IL12RB2: variants seen among roughly 807,000 people sequenced by gnomAD.
IL12RB2 encodes the protein interleukin-12 receptor subunit beta-2.
IL12RB2 carries 82 observed loss-of-function variants against 89.4 expected under a neutral mutation model. That is an observed-to-expected ratio of 0.92 (90% CI 0.77 to 1.10). IL12RB2 has a LOEUF of 1.10. Among genes scored for constraint, IL12RB2 ranks in the 50% least tolerant of loss-of-function variants. The probability of loss-of-function intolerance (pLI) is 0.00; values close to 1 mark genes in which losing one functional copy is unlikely to be tolerated. For missense variants in IL12RB2, 963 were observed against 1,031.9 expected (o/e 0.93, Z 0.92); for synonymous variants, 368 against 370.1 (o/e 0.99, Z 0.07).
intron 10 of IL12RB2, among the ~76,000 whole-genome samples, chr1:67,362,246 G>A (rs1662140110): frequency 6.7e-6 from 1 of 150,000 alleles, no homozygotes; most frequent in Admixed American, 6.7e-5. Context: ...ACTCCAGCCT[G>A]GGTAACAAAG....
rs372687844 is a variant in IL12RB2 at position 67,350,839 on chromosome 1, G to C, written c.1039-31G>C. 3.7e-5 allele frequency: 60 copies of C among 1,612,666 alleles called. 1 individual carries two copies. In the East Asian group the frequency reaches 5.1e-4, roughly 14 times the overall value. ...AGAGCATCAGTGATCTTGTCTGGGA[G>C]TAAATAGTGAATAAATGTGTCTTGT... On this transcript the variant is annotated intron_variant, in intron 9 of 16. Coordinates refer to ENST00000674203, the MANE Select transcript of IL12RB2 (RefSeq NM_001374259.2).
At position 67,342,761 on chromosome 1, in the gene IL12RB2, C is replaced by CTTTTT. The variant is rs71062413; in HGVS notation, c.1038+4070_1038+4074dup. Among the ~76,000 whole-genome samples, 87 of 137,156 alleles carry CTTTTT rather than the reference C, an allele frequency of 6.3e-4. 35 individuals are homozygous for CTTTTT. Among genetic ancestry groups the CTTTTT allele is most frequent in the East Asian group, 4.4e-4 (2 of 4,572 alleles). The allele number at this position is 137,156 out of a possible 152,430, so 90.0% of individuals were successfully genotyped here. A position where few individuals can be genotyped will look rare whatever the true frequency, so the allele number is the denominator to read the frequency against. ...CTTGTACTACTTTTTAAAATCACAC[C>CTTTTT]TTTTTTTTTTTTTTTTGAGACAGGG... On this transcript the variant is annotated intron_variant, in intron 9 of 16. Transcript: ENST00000674203.
intron 8 of IL12RB2, among the ~76,000 whole-genome samples, chr1:67,333,800 A>G (rs1245811552): frequency 6.6e-6 from 1 of 152,212 alleles, no homozygotes; most frequent in East Asian, 1.9e-4. Context: ...ATGCCTGAGA[A>G]CATGCACAGG....
intron 10 of IL12RB2, among the ~76,000 whole-genome samples, chr1:67,365,300 T>A (rs958887754): frequency 5.3e-5 from 8 of 151,154 alleles, no homozygotes; most frequent in African/African-American, 1.9e-4. Flanking sequence ...AGAGAGGAAA[T>A]CAATGAAATT....
intron 16 of IL12RB2, among the ~76,000 whole-genome samples, chr1:67,391,789 G>A (rs1055273063): frequency 6.6e-6 from 1 of 151,764 alleles, no homozygotes; most frequent in African/African-American, 2.4e-5. Flanking sequence ...GGCGCCCGCC[G>A]CCATGCCCGG....
rs1414946095 is a variant in IL12RB2, at chr1:67,307,882, G to A, written c.-210G>A. 2.0e-5 allele frequency: 3 copies of A among 152,044 alleles called. No individual in the cohort carries two copies. The highest frequency in any genetic ancestry group is 2.9e-5 in the Non-Finnish European group (2 of 68,016). 9.4% of individuals were successfully genotyped at this position (152,044 alleles called of 1,614,324 possible). A position where few individuals can be genotyped will look rare whatever the true frequency, so the allele number is the denominator to read the frequency against. ...ACGCCCGAGCGCCGGCAGAGAGCGC[G>A]GAGAGCGCGACACGTGCGGCCCAGA... On this transcript the variant is annotated 5_prime_UTR_variant, in exon 1 of 17. Transcript: ENST00000674203.
chr1:67,362,720 G>A (rs1206017909), intron 10 of IL12RB2, among the ~76,000 whole-genome samples: 2 of 152,008 alleles, frequency 1.3e-5, no homozygotes, highest in Admixed American at 6.5e-5. Context: ...AAAAGTGAAG[G>A]AGAAATAAGG....
rs934430201 is a variant in IL12RB2, at chr1:67,366,090, T to C, written c.1259-1735T>C. ...AATGGAAATGAGTGAAGTACATGAA[T>C]TGGCAGTTCATGGAAGGGGAAAGTC... On this transcript the variant is annotated intron_variant, in intron 10 of 16. Coordinates refer to ENST00000674203, the MANE Select transcript of IL12RB2 (RefSeq NM_001374259.2). Among the ~76,000 whole-genome samples the C allele has an allele frequency of 3.3e-5, 5 of 152,168 alleles. No individual in the cohort carries two copies. The East Asian group carries it at 5.8e-4, about 18-fold the overall frequency.
chr1:67,340,864 T>C (rs1032680157), intron 9 of IL12RB2, among the ~76,000 whole-genome samples: 4 of 152,204 alleles, frequency 2.6e-5, no homozygotes, highest in Non-Finnish European at 4.4e-5. Flanking sequence ...TAATGAGGTC[T>C]TGGAATTTGG....
intron 10 of IL12RB2, among the ~76,000 whole-genome samples, 160 bp from the exon 11 acceptor site, chr1:67,367,665 A>T (rs1662855891): frequency 6.6e-6 from 1 of 152,258 alleles, no homozygotes; most frequent in Non-Finnish European, 1.5e-5. Flanking sequence ...ATGAACTGAG[A>T]AATGAAATGA....
intron 9 of IL12RB2, among the ~76,000 whole-genome samples, chr1:67,350,266 C>T (rs561607451): frequency 5.9e-5 from 9 of 152,364 alleles, no homozygotes. Flanking sequence ...CCCAAATGAT[C>T]TCAATTGGAA....
At chr1:67,318,238 A>G (rs1393850651) in intron 2 of IL12RB2, among the ~76,000 whole-genome samples, 1 of 152,190 alleles carries the variant, frequency 6.6e-6, no homozygotes, top group African/African-American at 2.4e-5. Flanking sequence ...GCAAGATGGG[A>G]AGAAGTGAGG....
At chr1:67,351,197 G>C in intron 10 of IL12RB2, 108 bp downstream of exon 10, 1 of 1,546,328 alleles carries the variant, frequency 6.5e-7, no homozygotes, top group South Asian at 1.2e-5. Flanking sequence ...TAGGAGTTCA[G>C]GCTTTGGAGT....
chr1:67,367,995 C>G lies in IL12RB2; in HGVS notation c.1429C>G (p.Arg477Gly). ...GGTCCCTCTAAACTGGCTACGGAGT[C>G]GACCCTACAATGTGTCTGCTCTGAT... ...TQVPLNWLRS[R>G]PYNVSALISE... is the part of the protein sequence containing the mutation. Residue 477 changes from arginine to glycine, a missense_variant, in exon 11 of 17, where the codon CGA becomes GGA. By Grantham distance (125) the Arg-to-Gly change is moderately radical. Coordinates refer to ENST00000674203, the MANE Select transcript of IL12RB2 (RefSeq NM_001374259.2). The G allele has an allele frequency of 6.2e-7, 1 of 1,607,274 alleles. No homozygotes were observed. Among genetic ancestry groups the G allele is most frequent in the Non-Finnish European group, 8.5e-7 (1 of 1,173,832 alleles).
At chr1:67,334,840 A>C (rs1569858684) in intron 8 of IL12RB2, among the ~76,000 whole-genome samples, 2 of 152,320 alleles carry the variant, frequency 1.3e-5, no homozygotes, top group Admixed American at 1.3e-4. Context: ...GGATGTATTA[A>C]AACAGGCAGA....
intron 10 of IL12RB2, among the ~76,000 whole-genome samples, chr1:67,361,135 T>A (rs1455920114): frequency 6.6e-6 from 1 of 152,062 alleles, no homozygotes; most frequent in Non-Finnish European, 1.5e-5. Context: ...AATCATAGGG[T>A]TATAGAATGC....
chr1:67,386,512 C>T (rs1331601080), intron 14 of IL12RB2, 67 bp from the exon 15 acceptor site: 7 of 1,096,378 alleles, frequency 6.4e-6, no homozygotes, highest in Non-Finnish European at 9.9e-6. Flanking sequence ...GGCGCATACA[C>T]CAATCAGGAT....
At chr1:67,309,417 T>G (rs1654727243) in intron 1 of IL12RB2, among the ~76,000 whole-genome samples, 1 of 152,180 alleles carries the variant, frequency 6.6e-6, no homozygotes, top group Non-Finnish European at 1.5e-5. Context: ...GGATTCTCAT[T>G]TTCCATTAAT....
At chr1:67,376,881 G>A (rs368300694) in intron 13 of IL12RB2, among the ~76,000 whole-genome samples, 1 of 152,154 alleles carries the variant, frequency 6.6e-6, no homozygotes, top group Non-Finnish European at 1.5e-5. Context: ...GGAACAGAAG[G>A]TCTCTCTAAA....
Sources: allele counts gnomAD v4.1 joint callset (sites outside exome capture counted in the v4.1 genomes callset), GRCh38; gene constraint gnomAD v4.1.1; transcripts MANE v1.5; gene names NCBI Gene and HGNC (gene_info 2026-07-23, HGNC 2026-07-21).